The following COX16 variants were observed in gnomAD, a reference collection of about 807,000 sequenced individuals.
The protein encoded by COX16 is cytochrome c oxidase assembly protein COX16 homolog, mitochondrial.
A neutral mutation model predicts 15.4 loss-of-function variants in COX16; 12 were observed. The ratio of observed to expected loss-of-function variants is 0.78; its 90% CI spans 0.50 to 1.26. The LOEUF is 1.26. Ranked by LOEUF, COX16 falls within the 50% of genes most tolerant of loss-of-function variation. COX16 has a pLI of 0.00. For synonymous variants in COX16, 46 were observed against 41.1 expected (o/e 1.12, Z -0.46); for missense variants, 124 against 127.6 (o/e 0.97, Z 0.14).
chr14:70,326,362 G>T lies in COX16; in HGVS notation c.292C>A (p.Pro98Thr). Residue 98 changes from proline to threonine, a missense_variant, in exon 4 of 4, where the codon CCA becomes ACA. Pro to Thr is a conservative substitution (Grantham distance 38). Transcript: ENST00000389912. ...EDPDLLQGRN[P>T]ESLKTKTT ...GTTGTCTTAGTCTTAAGGCTTTCTGGATTTCTTCCTTGGAGGAGGTCAGGA... is the reference window on the plus strand; with the variant it reads ...GTTGTCTTAGTCTTAAGGCTTTCTGTATTTCTTCCTTGGAGGAGGTCAGGA... 1 of 1,576,084 alleles carries T rather than the reference G, an allele frequency of 6.3e-7. No individual in the cohort carries two copies. Among genetic ancestry groups the T allele is most frequent in the East Asian group, 2.3e-5 (1 of 43,666 alleles).
intron 1 of COX16, among the ~76,000 whole-genome samples, chr14:70,357,620 A>T (rs561821978): frequency 1.3e-5 from 2 of 152,350 alleles, no homozygotes; most frequent in East Asian, 3.9e-4. Context: ...AAGATATTCA[A>T]ATGACCAATA....
chr14:70,355,867 T>C (rs963132288), intron 1 of COX16, among the ~76,000 whole-genome samples: 1 of 152,108 alleles, frequency 6.6e-6, no homozygotes, highest in Admixed American at 6.5e-5. Flanking sequence ...GAGGCTGTCC[T>C]TGTGGTAATG....
intron 3 of COX16, among the ~76,000 whole-genome samples, chr14:70,326,931 C>G (rs149389165): frequency 5.8e-4 from 89 of 152,292 alleles, no homozygotes; most frequent in Non-Finnish European, 1.1e-3. Context: ...TTTCCTACAG[C>G]TATCTATCAT....
chr14:70,331,914 A>T (rs1886303311), intron 2 of COX16, among the ~76,000 whole-genome samples: 1 of 152,216 alleles, frequency 6.6e-6, no homozygotes, highest in Non-Finnish European at 1.5e-5. Flanking sequence ...GTCTTGCTGC[A>T]GGAACCTCAG....
chr14:70,326,298 TAAAAAAA>T lies in COX16; in HGVS notation c.*28_*34del. On this transcript the variant is annotated 3_prime_UTR_variant, in exon 4 of 4. Transcript: ENST00000389912. ...AAGTCCAGTTAATAATATTTTTATT[TAAAAAAA>T]AAAAAAAGGAAAAAAGAATCAGCAG... The T allele has an allele frequency of 9.0e-7, 1 of 1,106,764 alleles. No individual in the cohort carries two copies. The highest frequency in any genetic ancestry group is 1.2e-6 in the Non-Finnish European group (1 of 829,050). 68.6% of individuals were successfully genotyped at this position (1,106,764 alleles called of 1,614,324 possible). A position where few individuals can be genotyped will look rare whatever the true frequency, so the allele number is the denominator to read the frequency against.
chr14:70,346,723 T>C (rs533223000), intron 1 of COX16, among the ~76,000 whole-genome samples: 2 of 152,158 alleles, frequency 1.3e-5, no homozygotes, highest in Admixed American at 6.5e-5. Context: ...CTTTACCTAA[T>C]TTTTCAGGAC....
intron 1 of COX16, among the ~76,000 whole-genome samples, chr14:70,357,561 T>C (rs1218142681): frequency 2.0e-5 from 3 of 152,162 alleles, no homozygotes; most frequent in Admixed American, 1.3e-4. Context: ...AAAGGAAACA[T>C]AGTCCAATTA....
chr14:70,337,275 A>C (rs145080853), intron 2 of COX16, among the ~76,000 whole-genome samples: 425 of 152,186 alleles, frequency 2.8e-3, no homozygotes, highest in African/African-American at 9.8e-3. Flanking sequence ...ATTATTTATA[A>C]ACAACTATAG....
intron 1 of COX16, among the ~76,000 whole-genome samples, chr14:70,345,236 G>A (rs543484776): frequency 7.2e-5 from 11 of 152,298 alleles, no homozygotes; most frequent in South Asian, 6.2e-4. Flanking sequence ...AAATTCACAC[G>A]GCCTCTCTTA....
intron 1 of COX16, among the ~76,000 whole-genome samples, chr14:70,353,700 A>G (rs1441565238): frequency 6.6e-6 from 1 of 151,982 alleles, no homozygotes; most frequent in African/African-American, 2.4e-5. Context: ...TTTTCAGTAG[A>G]GACAGGGTTT....
At chr14:70,340,073 T>C (rs1406705878) in intron 2 of COX16, among the ~76,000 whole-genome samples, 1 of 152,234 alleles carries the variant, frequency 6.6e-6, no homozygotes, top group African/African-American at 2.4e-5. Context: ...TGGCTGTGTC[T>C]GTACCCAAAT....
chr14:70,343,927 A>C (rs565274142), intron 1 of COX16, among the ~76,000 whole-genome samples: 50 of 152,228 alleles, frequency 3.3e-4, no homozygotes, highest in Admixed American at 1.6e-3. Context: ...AGTCTCCCCG[A>C]GCATTCAGGG....
intron 2 of COX16, among the ~76,000 whole-genome samples, chr14:70,332,055 T>C (rs1886308074): frequency 6.6e-6 from 1 of 152,224 alleles, no homozygotes; most frequent in Admixed American, 6.5e-5. Flanking sequence ...AGCCCAGTCC[T>C]TCAACGGGCT....
intron 2 of COX16, among the ~76,000 whole-genome samples, chr14:70,340,154 G>A (rs1042699991): frequency 2.6e-5 from 4 of 152,216 alleles, no homozygotes; most frequent in Non-Finnish European, 4.4e-5. Context: ...CATGGACGTG[G>A]TTTCCCCCAT....
chr14:70,326,718 G>T (rs1430257364), intron 3 of COX16, among the ~76,000 whole-genome samples: 1 of 152,098 alleles, frequency 6.6e-6, no homozygotes, highest in Non-Finnish European at 1.5e-5. Flanking sequence ...CCTTATTTTT[G>T]AGAGGACAAG....
At chr14:70,349,989 T>G (rs1886898473) in intron 1 of COX16, among the ~76,000 whole-genome samples, 1 of 152,142 alleles carries the variant, frequency 6.6e-6, no homozygotes, top group South Asian at 2.1e-4. Context: ...CCCAAAAAAT[T>G]AAGGTTTTCT....
intron 2 of COX16, among the ~76,000 whole-genome samples, chr14:70,336,501 AAAC>A (rs1886460766): frequency 6.6e-6 from 1 of 152,000 alleles, no homozygotes. Context: ...TTTCACAACA[AAAC>A]AACTTAGATA....
chr14:70,357,475 A>G (rs1464163842), intron 1 of COX16, among the ~76,000 whole-genome samples: 2 of 152,232 alleles, frequency 1.3e-5, no homozygotes, highest in African/African-American at 4.8e-5. Context: ...AGCATGCCCA[A>G]AAAAGCATGC....
intron 2 of COX16, among the ~76,000 whole-genome samples, chr14:70,335,470 A>G (rs1886420745): frequency 6.6e-6 from 1 of 152,198 alleles, no homozygotes; most frequent in Non-Finnish European, 1.5e-5. Flanking sequence ...AACAAATTCA[A>G]AAAAGTATCA....
Sources: allele counts gnomAD v4.1 joint callset (sites outside exome capture counted in the v4.1 genomes callset), GRCh38; gene constraint gnomAD v4.1.1; transcripts MANE v1.5; gene names NCBI Gene and HGNC (gene_info 2026-07-23, HGNC 2026-07-21).